RIC3: variants seen among roughly 807,000 people sequenced by gnomAD.
The protein encoded by RIC3 is protein RIC-3.
A neutral mutation model predicts 27.3 loss-of-function variants in RIC3; 28 were observed. That is an observed-to-expected ratio of 1.02 (90% CI 0.76 to 1.41). The LOEUF is 1.41. Ranked by LOEUF, RIC3 falls within the 40% of genes most tolerant of loss-of-function variation. RIC3 has a pLI of 0.00. For synonymous variants in RIC3, 184 were observed against 160.4 expected (o/e 1.15, Z -1.11); for missense variants, 501 against 444.7 (o/e 1.13, Z -1.14).
the RIC3 span, chr11:8,095,759 A>C: frequency 7.4e-7 from 1 of 1,354,866 alleles, no homozygotes; most frequent in Non-Finnish European, 1.0e-6. Flanking sequence ...CTGTGTCCAA[A>C]CCCCTCCCTG....
At chr11:8,129,924 T>C (rs1206637017) in intron 4 of RIC3, among the ~76,000 whole-genome samples, 3 of 152,244 alleles carry the variant, frequency 2.0e-5, no homozygotes, top group Admixed American at 6.5e-5. Context: ...TACATGGATG[T>C]TCTGATGGCA....
intron 1 of RIC3, among the ~76,000 whole-genome samples, chr11:8,160,875 C>A (rs539525036): frequency 6.9e-4 from 105 of 152,324 alleles, no homozygotes; most frequent in African/African-American, 2.3e-3. Flanking sequence ...AAGAAAGGGA[C>A]ATAATACTAC....
intron 4 of RIC3, among the ~76,000 whole-genome samples, chr11:8,133,672 A>T (rs1037532184): frequency 2.6e-5 from 4 of 152,198 alleles, no homozygotes; most frequent in Non-Finnish European, 5.9e-5. Flanking sequence ...TGGCCCCTGA[A>T]ATGAGACAGT....
chr11:8,152,808 T>C (rs1480452599), intron 1 of RIC3, among the ~76,000 whole-genome samples: 1 of 152,184 alleles, frequency 6.6e-6, no homozygotes, highest in Non-Finnish European at 1.5e-5. Context: ...TACTCTCATA[T>C]GCTTCAAATT....
At chr11:8,126,310 A>T (rs901924824) in intron 5 of RIC3, among the ~76,000 whole-genome samples, 3 of 152,228 alleles carry the variant, frequency 2.0e-5, no homozygotes, top group African/African-American at 7.2e-5. Context: ...GAATGTCAAA[A>T]GTATTACGCT....
chr11:8,132,878 T>A (rs147085033), intron 4 of RIC3, among the ~76,000 whole-genome samples: 104 of 152,288 alleles, frequency 6.8e-4, no homozygotes, highest in African/African-American at 2.5e-3. Context: ...GAGCACAGAC[T>A]TGTAAAAGAA....
intron 1 of RIC3, among the ~76,000 whole-genome samples, chr11:8,161,724 T>C (rs1951180849): frequency 6.6e-6 from 1 of 152,186 alleles, no homozygotes; most frequent in South Asian, 2.1e-4. Flanking sequence ...AAAAGAGGCC[T>C]GGAGCTGTGC....
At chr11:8,104,994 T>C (rs1481728475), downstream of RIC3, 1 of 150,152 alleles carries the variant, frequency 6.7e-6, no homozygotes, top group Admixed American at 6.7e-5. Flanking sequence ...AAACTTAGCA[T>C]TTAGAGGTAA....
intron 1 of RIC3, among the ~76,000 whole-genome samples, chr11:8,162,263 A>G (rs542746963): frequency 1.4e-4 from 21 of 152,328 alleles, no homozygotes; most frequent in Middle Eastern, 3.4e-3. Flanking sequence ...TCATTTACAC[A>G]AGTCAATAAA....
rs74717482 is a variant in RIC3 at position 8,148,468 on chromosome 11, A to G, written c.125-8275T>C. The stretch of plus-strand genomic sequence containing the variant: ...GCTAATGTTCAATAAACTGGATCTA[A>G]TATTTGTAGTATTATGTTGTGGAAC... On this transcript the variant is annotated intron_variant, in intron 1 of 5. Transcript: ENST00000309737. Among the ~76,000 whole-genome samples the G allele has an allele frequency of 6.3e-3, 961 of 152,332 alleles. 12 individuals carry two copies. Among genetic ancestry groups the G allele is most frequent in the African/African-American group, 0.022 (935 of 41,570 alleles).
In RIC3 at chr11:8,107,749, C is replaced by A. The variant is rs4758042; in HGVS notation, c.*2949G>T. Reference sequence around the variant, plus strand: ...CAGGAAAGGGGATCTCCTGGCTGCACCACCCACCTGATTTACCAAGAGTGA... The same window carrying A: ...CAGGAAAGGGGATCTCCTGGCTGCAACACCCACCTGATTTACCAAGAGTGA... On this transcript the variant is annotated 3_prime_UTR_variant, in exon 6 of 6. Transcript: ENST00000309737. 0.48 allele frequency: 72,728 copies of A among 152,018 alleles called. 21,527 individuals are homozygous for A. Among genetic ancestry groups the A allele is most frequent in the Non-Finnish European group, 0.65 (44,294 of 67,974 alleles). 9.4% of individuals were successfully genotyped at this position (152,018 alleles called of 1,614,324 possible).
At chr11:8,100,361 G>A in the RIC3 span, 18 of 679,246 alleles carry the variant, frequency 2.7e-5, no homozygotes, top group African/African-American at 7.1e-5. Flanking sequence ...AGTTCTGGCC[G>A]TGTTAGGTTT....
At chr11:8,143,009 G>T (rs1359220283) in intron 1 of RIC3, among the ~76,000 whole-genome samples, 2 of 103,614 alleles carry the variant, frequency 1.9e-5, no homozygotes, top group Admixed American at 2.0e-4. Context: ...AATAAATTAG[G>T]TATTGATGGG....
chr11:8,101,051 G>C, the RIC3 span: 58 of 1,604,464 alleles, frequency 3.6e-5, no homozygotes, highest in Non-Finnish European at 4.5e-5. Context: ...AAGGCCCTTA[G>C]CGTAGGGTTC....
chr11:8,115,768 G>T (rs1365183795), intron 5 of RIC3, among the ~76,000 whole-genome samples: 5 of 152,128 alleles, frequency 3.3e-5, no homozygotes, highest in Non-Finnish European at 7.4e-5. Flanking sequence ...AAAATGAAAA[G>T]ATGTCCCGTT....
intron 4 of RIC3, chr11:8,128,148 T>C: frequency 2.2e-6 from 1 of 456,542 alleles, no homozygotes; most frequent in Non-Finnish European, 4.4e-6. Flanking sequence ...GTGTCCCACA[T>C]AACCCCTATT....
chr11:8,130,157 C>G (rs1261254827), intron 4 of RIC3, among the ~76,000 whole-genome samples: 1 of 152,190 alleles, frequency 6.6e-6, no homozygotes, highest in Non-Finnish European at 1.5e-5. Flanking sequence ...CAAAGATTAA[C>G]GTGAGCCATC....
intron 4 of RIC3, among the ~76,000 whole-genome samples, chr11:8,128,750 C>CTTTTTTTTTT (rs1177448703): frequency 2.3e-5 from 2 of 88,502 alleles, no homozygotes; most frequent in Non-Finnish European, 4.2e-5. Context: ...GTTGCAAAAA[C>CTTTTTTTTTT]TTTTTTTTTT....
At chr11:8,167,785 A>G (rs1951844864) in intron 1 of RIC3, among the ~76,000 whole-genome samples, 1 of 152,174 alleles carries the variant, frequency 6.6e-6, no homozygotes, top group African/African-American at 2.4e-5. Context: ...GGAAAAAAAA[A>G]GAACAAATAC....
Sources: gnomAD v4.1 joint callset for allele counts (sites outside exome capture counted in the v4.1 genomes callset) on GRCh38, gnomAD v4.1.1 for gene constraint, MANE v1.5 for transcripts, NCBI Gene and HGNC (gene_info 2026-07-23, HGNC 2026-07-21) for gene names.